Variants in ALDH1A2 observed in about 807,000 individuals in gnomAD.
ALDH1A2 encodes aldehyde dehydrogenase 1 family member A2.
ALDH1A2 carries 27 observed loss-of-function variants against 60.3 expected under a neutral mutation model. That is an observed-to-expected ratio of 0.45 (90% CI 0.33 to 0.62). ALDH1A2 has a LOEUF of 0.62. ALDH1A2 is among the 20% of genes least tolerant of loss of function. The pLI is 0.02. For synonymous variants in ALDH1A2, 289 were observed against 232.4 expected (o/e 1.24, Z -2.21); for missense variants, 581 against 643.8 (o/e 0.90, Z 1.06).
At chr15:58,059,553 A>G (rs1377397212) in intron 1 of ALDH1A2, among the ~76,000 whole-genome samples, 1 of 152,244 alleles carries the variant, frequency 6.6e-6, no homozygotes, top group Non-Finnish European at 1.5e-5. Context: ...ACATTTATGT[A>G]TCAATATCTT....
rs373482479 is a variant in ALDH1A2 at position 58,054,838 on chromosome 15, T to A, written c.117+10696A>T. Among the ~76,000 whole-genome samples, 7 of 152,202 alleles carry A rather than the reference T, an allele frequency of 4.6e-5. No individual in the cohort carries two copies. In the East Asian group the frequency reaches 1.2e-3, roughly 25 times the overall value. On this transcript the variant is annotated intron_variant, in intron 1 of 12. Transcript: ENST00000249750. ...ACCAATGAGGATTGAAAAACATCGT[T>A]CTTTATCATAACCTAAAAAATCACA...
chr15:58,012,916 T>C (rs1429444603), intron 3 of ALDH1A2, among the ~76,000 whole-genome samples: 1 of 152,208 alleles, frequency 6.6e-6, no homozygotes, highest in Non-Finnish European at 1.5e-5. Context: ...TAAATATTCA[T>C]TGATACCAGG....
chr15:57,964,474 C>T (rs2414527), intron 8 of ALDH1A2: 80,246 of 177,810 alleles, frequency 0.45, 18,906 homozygotes, highest in Non-Finnish European at 0.52. Context: ...TTGCCAGATC[C>T]TCTCAATTTT....
At position 57,961,408 on chromosome 15, in the gene ALDH1A2, C is replaced by G. The variant is rs1481966093; in HGVS notation, c.1252-114G>C. The G allele has an allele frequency of 7.8e-6, 10 of 1,275,822 alleles. No homozygotes were observed. The Admixed American group carries it at 1.7e-4, about 22-fold the overall frequency. The allele number at this position is 1,275,822 out of a possible 1,614,324, so 79.0% of individuals were successfully genotyped here. On this transcript the variant is annotated intron_variant, in intron 10 of 12. Coordinates refer to ENST00000249750, the MANE Select transcript of ALDH1A2 (RefSeq NM_003888.4). Reference sequence around the variant, plus strand: ...TTACTTAAATGACCTTTAAGTTTAGCAGTACAAAACTGTAAAATCTCCCAA... The same window carrying G: ...TTACTTAAATGACCTTTAAGTTTAGGAGTACAAAACTGTAAAATCTCCCAA...
chr15:57,986,246 A>ACTTTCTAGATTGCAGTATG (rs1894695761), intron 7 of ALDH1A2, among the ~76,000 whole-genome samples: 1 of 152,110 alleles, frequency 6.6e-6, no homozygotes, highest in Non-Finnish European at 1.5e-5. Context: ...TTGTGCCTAA[A>ACTTTCTAGATTGCAGTATG]CTTTCTAGAT....
intron 4 of ALDH1A2, among the ~76,000 whole-genome samples, chr15:58,005,459 G>C (rs554568965): frequency 2.0e-5 from 3 of 151,972 alleles, no homozygotes; most frequent in Non-Finnish European, 2.9e-5. Context: ...CTGAATAAAT[G>C]AATGTATGAA....
chr15:57,980,557 C>A (rs941353693), intron 7 of ALDH1A2: 2 of 273,004 alleles, frequency 7.3e-6, no homozygotes, highest in African/African-American at 4.5e-5. Context: ...GCTCTGCCTC[C>A]TTCTGGGGGT....
At chr15:57,990,790 C>T (rs35276106) in intron 7 of ALDH1A2, among the ~76,000 whole-genome samples, 5,022 of 150,124 alleles carry the variant, frequency 0.033, 133 homozygotes, top group Non-Finnish European at 0.051. Flanking sequence ...GCAGGAGAAT[C>T]GCTTGAACCT....
At chr15:58,040,067 A>T (rs370995733) in intron 1 of ALDH1A2, among the ~76,000 whole-genome samples, 15 of 152,048 alleles carry the variant, frequency 9.9e-5, no homozygotes, top group African/African-American at 3.6e-4. Flanking sequence ...TTGAATACCT[A>T]CTATGAATAT....
At chr15:58,044,890 G>T (rs1896600301) in intron 1 of ALDH1A2, among the ~76,000 whole-genome samples, 1 of 151,904 alleles carries the variant, frequency 6.6e-6, no homozygotes, top group Admixed American at 6.6e-5. Flanking sequence ...CAATTTCATG[G>T]CAACAAAGTG....
At chr15:57,987,841 C>G (rs940415679) in intron 7 of ALDH1A2, among the ~76,000 whole-genome samples, 1 of 145,096 alleles carries the variant, frequency 6.9e-6, no homozygotes, top group African/African-American at 2.6e-5. Flanking sequence ...GCCTGAGCAA[C>G]TACTGCACTC....
chr15:57,967,752 TG>T (rs1213994405), intron 7 of ALDH1A2, among the ~76,000 whole-genome samples: 4 of 152,164 alleles, frequency 2.6e-5, no homozygotes, highest in African/African-American at 9.7e-5. Context: ...CCCTGAAGTT[TG>T]ATGGGTGAGC....
At chr15:57,967,540 C>G (rs758718351) in intron 7 of ALDH1A2, among the ~76,000 whole-genome samples, 2 of 152,146 alleles carry the variant, frequency 1.3e-5, no homozygotes, top group Non-Finnish European at 2.9e-5. Context: ...ACCGGGGAAA[C>G]TCCAACTTCC....
At chr15:58,024,745 CT>C (rs1896029727) in intron 1 of ALDH1A2, among the ~76,000 whole-genome samples, 1 of 152,172 alleles carries the variant, frequency 6.6e-6, no homozygotes, top group African/African-American at 2.4e-5. Flanking sequence ...ACTATACATC[CT>C]TTTCATCAGC....
chr15:57,954,497 C>T lies in ALDH1A2; in HGVS notation c.*700G>A, dbSNP rs536309462. The T allele has an allele frequency of 6.5e-6, 1 of 154,740 alleles. No homozygotes were observed. The highest frequency in any genetic ancestry group is 1.4e-5 in the Non-Finnish European group (1 of 69,248). 9.6% of individuals were successfully genotyped at this position (154,740 alleles called of 1,614,324 possible). On this transcript the variant is annotated 3_prime_UTR_variant, in exon 13 of 13. Coordinates refer to ENST00000249750, the MANE Select transcript of ALDH1A2 (RefSeq NM_003888.4). ...GCAAGCTCAGAAGCGGTGAACTGCA[C>T]ATGATGACTTCCAGTCTCTATTGTC...
At chr15:58,001,942 G>C (rs1288772112) in intron 4 of ALDH1A2, among the ~76,000 whole-genome samples, 1 of 151,848 alleles carries the variant, frequency 6.6e-6, no homozygotes, top group Non-Finnish European at 1.5e-5. Flanking sequence ...CTAAAGAAAA[G>C]ATGAGAGATC....
chr15:57,965,633 T>A, intron 8 of ALDH1A2, 92 bp downstream of exon 8: 1 of 968,084 alleles, frequency 1.0e-6, no homozygotes, highest in Non-Finnish European at 1.7e-6. Flanking sequence ...GCTTCAAATA[T>A]CTTTTGCTAG....
chr15:58,007,058 G>C (rs1382234673), intron 4 of ALDH1A2, among the ~76,000 whole-genome samples: 1 of 151,744 alleles, frequency 6.6e-6, no homozygotes, highest in Non-Finnish European at 1.5e-5. Flanking sequence ...GCTTCATTCA[G>C]GCATCAGTTA....
At chr15:58,001,667 C>T (rs1205005728) in intron 4 of ALDH1A2, among the ~76,000 whole-genome samples, 1 of 151,900 alleles carries the variant, frequency 6.6e-6, no homozygotes, top group Non-Finnish European at 1.5e-5. Flanking sequence ...CTCAGTATGG[C>T]AGGATGACTT....
Sources: gnomAD v4.1 joint callset for allele counts (sites outside exome capture counted in the v4.1 genomes callset) on GRCh38, gnomAD v4.1.1 for gene constraint, MANE v1.5 for transcripts, NCBI Gene and HGNC (gene_info 2026-07-23, HGNC 2026-07-21) for gene names.